ZFP64: variants seen among roughly 807,000 people sequenced by gnomAD.
ZFP64 encodes the protein zinc finger protein 64.
In ZFP64, 14 loss-of-function variants were observed where a neutral mutation model predicts 51.6. The ratio of observed to expected loss-of-function variants is 0.27; its 90% CI spans 0.18 to 0.42. The LOEUF (loss-of-function observed/expected upper bound fraction) is 0.42, where lower values mean the gene tolerates loss of function less well. Among genes scored for constraint, ZFP64 ranks in the 10% least tolerant of loss-of-function variants. The pLI is 1.00. For synonymous variants in ZFP64, 375 were observed against 361.4 expected (o/e 1.04, Z -0.43); for missense variants, 754 against 906.8 (o/e 0.83, Z 2.16).
rs771730825 is a variant in ZFP64 at position 52,098,701 on chromosome 20, T to A, written c.764-114A>T. ...TCCCTTCACCTTTCCAGAAAAAATT[T>A]AAAAAAAATGAAAGCCATGTGACCA... On this transcript the variant is annotated intron_variant, in intron 5 of 8. Transcript: ENST00000361387. 2.1e-4 allele frequency: 300 copies of A among 1,420,694 alleles called. 1 individual carries two copies. Among genetic ancestry groups the A allele is most frequent in the African/African-American group, 5.8e-4 (40 of 69,188 alleles). The allele number at this position is 1,420,694 out of a possible 1,614,324, so 88.0% of individuals were successfully genotyped here.
rs1455125936 is a variant in ZFP64, at chr20:52,160,447, C to T, written c.512-73G>A. 1.3e-6 allele frequency: 2 copies of T among 1,517,438 alleles called. No homozygotes were observed. Among genetic ancestry groups the T allele is most frequent in the African/African-American group, 1.4e-5 (1 of 71,764 alleles). 94.0% of individuals were successfully genotyped at this position (1,517,438 alleles called of 1,614,324 possible). On this transcript the variant is annotated intron_variant, in intron 4 of 5. Coordinates refer to ENST00000216923, the MANE Select transcript of ZFP64 (RefSeq NM_018197.3). The surrounding 1 kb of genome is among the most constrained non-coding windows in gnomAD (Gnocchi z 4.2). Reference sequence around the variant, plus strand: ...AAGGAAAAGGCTTATTTCCCACTGCCTTACGAAAAAAGTCATATACAACCA... The same window carrying T: ...AAGGAAAAGGCTTATTTCCCACTGCTTTACGAAAAAAGTCATATACAACCA...
intron 5 of ZFP64, among the ~76,000 whole-genome samples, chr20:52,112,543 T>C (rs1470551794): frequency 6.6e-6 from 1 of 152,130 alleles, no homozygotes. Context: ...AAAAACAAAG[T>C]ATCAATACAA....
chr20:52,105,332 C>G, intron 5 of ZFP64: 1 of 1,250,202 alleles, frequency 8.0e-7, no homozygotes, highest in South Asian at 3.6e-5. Flanking sequence ...TCGGCCGGAA[C>G]GCGCATGTCC....
At position 52,113,548 on chromosome 20, in the gene ZFP64, C is replaced by G. The variant is rs886392431; in HGVS notation, c.764-14961G>C. Among the ~76,000 whole-genome samples the G allele has an allele frequency of 2.0e-5, 3 of 149,828 alleles. 1 individual carries two copies. The South Asian group carries it at 6.4e-4, about 32-fold the overall frequency. On this transcript the variant is annotated intron_variant, in intron 5 of 8. Coordinates refer to the ZFP64 transcript ENST00000361387. ...GTTCAATCGATTTTCCTGCCCCAGC[C>G]TCCCAAGTAGCTGAGATTACAAGGC...
intron 7 of ZFP64, among the ~76,000 whole-genome samples, chr20:52,089,833 A>G (rs958034493): frequency 1.3e-5 from 2 of 152,008 alleles, no homozygotes; most frequent in Non-Finnish European, 2.9e-5. Context: ...GTAAAAATGC[A>G]CTATTCAAAT....
downstream of ZFP64, among the ~76,000 whole-genome samples, chr20:52,149,549 T>C (rs1226813267): frequency 6.6e-6 from 1 of 152,246 alleles, no homozygotes; most frequent in East Asian, 1.9e-4. Flanking sequence ...CTTTTGAGTC[T>C]ACGTATATTG....
intron 7 of ZFP64, among the ~76,000 whole-genome samples, chr20:52,094,895 G>A (rs1375176204): frequency 6.6e-6 from 1 of 152,116 alleles, no homozygotes; most frequent in African/African-American, 2.4e-5. Context: ...AATCCCAGGG[G>A]TTCTAACCCT....
exon 9 of ZFP64, chr20:52,084,569 G>T (rs1269608942): frequency 6.2e-7 from 1 of 1,612,626 alleles, no homozygotes; most frequent in Non-Finnish European, 8.5e-7. Context: ...AGAGGTCTTG[G>T]CTGGGCTCTA....
At position 52,151,357 on chromosome 20, in the gene ZFP64, A is replaced by C; in HGVS notation, c.*789T>G. On this transcript the variant is annotated 3_prime_UTR_variant, in exon 6 of 6. Transcript: ENST00000216923. The stretch of plus-strand genomic sequence containing the variant: ...GCACTAAACATTTTTTTTTGGGTCA[A>C]GTATCCATGTCATATTATGTAGAAA... The C allele has an allele frequency of 1.0e-6, 1 of 985,350 alleles. No individual in the cohort carries two copies. Among genetic ancestry groups the C allele is most frequent in the Non-Finnish European group, 1.2e-6 (1 of 829,892 alleles). The allele number at this position is 985,350 out of a possible 1,614,324, so 61.0% of individuals were successfully genotyped here.
intron 5 of ZFP64, among the ~76,000 whole-genome samples, chr20:52,142,316 C>T (rs149203943): frequency 4.6e-3 from 693 of 149,730 alleles, no homozygotes; most frequent in Admixed American, 8.3e-3. Flanking sequence ...TGCAGTGAGC[C>T]GAGATTACGC....
intron 5 of ZFP64, among the ~76,000 whole-genome samples, chr20:52,101,216 T>C (rs1276032175): frequency 6.6e-6 from 1 of 152,274 alleles, no homozygotes; most frequent in East Asian, 1.9e-4. Context: ...CTACTCCCAA[T>C]GTTTCTTCCA....
rs917571027 is a variant in ZFP64, at chr20:52,152,701, G to C, written c.1491C>G (p.Val497=). 1 of 1,553,966 alleles carries C rather than the reference G, an allele frequency of 6.4e-7. No individual in the cohort carries two copies. The highest frequency in any genetic ancestry group is 8.7e-7 in the Non-Finnish European group (1 of 1,150,058). Residue 497 remains valine, a synonymous_variant, in exon 6 of 6, where the codon GTC becomes GTG. Transcript: ENST00000216923. Reference sequence around the variant, plus strand: ...GCACCTGATGCCCAACGATGATTTTGACTCTTCCCTCGCTGAACTGGGGCA... The same window carrying C: ...GCACCTGATGCCCAACGATGATTTTCACTCTTCCCTCGCTGAACTGGGGCA... ...SQVPQFSEGR[V]KIIVGHQVPQ...
chr20:52,111,096 G>A (rs1359340109), intron 5 of ZFP64: 1 of 955,194 alleles, frequency 1.0e-6, no homozygotes, highest in South Asian at 1.4e-5. Context: ...GAAGCGGCAG[G>A]GAGAGAGACG....
intron 7 of ZFP64, among the ~76,000 whole-genome samples, chr20:52,095,289 G>C (rs561181318): frequency 5.3e-5 from 8 of 152,266 alleles, no homozygotes; most frequent in African/African-American, 1.9e-4. Flanking sequence ...AGATGAGCTC[G>C]AGTGGTGTGG....
At chr20:52,129,144 C>T (rs1023294058) in intron 5 of ZFP64, among the ~76,000 whole-genome samples, 2 of 151,102 alleles carry the variant, frequency 1.3e-5, no homozygotes, top group Admixed American at 6.6e-5. Flanking sequence ...AGCAGTGGCG[C>T]GATCTCGGCT....
chr20:52,093,361 A>C (rs1313687902), intron 7 of ZFP64, among the ~76,000 whole-genome samples: 1 of 152,066 alleles, frequency 6.6e-6, no homozygotes, highest in Non-Finnish European at 1.5e-5. Flanking sequence ...GCTGGTCTTG[A>C]ACTCCTGACC....
chr20:52,191,737 A>C lies in ZFP64; in HGVS notation c.-101T>G. 7.3e-7 allele frequency: 1 copy of C among 1,362,070 alleles called. No homozygotes were observed. The highest frequency in any genetic ancestry group is 9.7e-7 in the Non-Finnish European group (1 of 1,032,564). The allele number at this position is 1,362,070 out of a possible 1,614,324, so 84.4% of individuals were successfully genotyped here. On this transcript the variant is annotated 5_prime_UTR_variant, in exon 1 of 6. Coordinates refer to ENST00000216923, the MANE Select transcript of ZFP64 (RefSeq NM_018197.3). The surrounding 1 kb of genome is among the most constrained non-coding windows in gnomAD (Gnocchi z 4.3). ...TTCCTTTTATTTTTCCACACCCCCC[A>C]CCCTGCCTTCTCCCAACTCTGCGAG...
chr20:52,088,466 G>C (rs370373546), exon 8 of ZFP64: 1 of 1,614,172 alleles, frequency 6.2e-7, no homozygotes, highest in Non-Finnish European at 8.5e-7. Flanking sequence ...GCATTTGTAC[G>C]GCCGCTCATC....
chr20:52,136,897 C>T lies in ZFP64; in HGVS notation c.763+23226G>A, dbSNP rs376707831. 1.2e-4 allele frequency among the ~76,000 whole-genome samples: 18 copies of T among 152,084 alleles called. No individual in the cohort carries two copies. In the East Asian group the frequency reaches 2.3e-3, roughly 20 times the overall value. ...CTCCTGCCTCAGCCTCCTGAATAGCCGGGACTACAGGCATCCACCACCACA... is the reference window on the plus strand; with the variant it reads ...CTCCTGCCTCAGCCTCCTGAATAGCTGGGACTACAGGCATCCACCACCACA... On this transcript the variant is annotated intron_variant, in intron 5 of 8. Transcript: ENST00000361387.
Sources: gnomAD v4.1 joint callset for allele counts (sites outside exome capture counted in the v4.1 genomes callset) on GRCh38, gnomAD v4.1.1 for gene constraint, Gnocchi (gnomAD v3.1) non-coding constraint, MANE v1.5 for transcripts, NCBI Gene and HGNC (gene_info 2026-07-23, HGNC 2026-07-21) for gene names.